NDC1: variants seen among roughly 807,000 people sequenced by gnomAD.
NDC1 encodes the protein nucleoporin NDC1.
In NDC1, 24 loss-of-function variants were observed where a neutral mutation model predicts 89.8. The observed-to-expected ratio is 0.27, with a 90% CI of 0.19 to 0.38. NDC1 has a LOEUF of 0.38. NDC1 is among the 10% of genes least tolerant of loss of function. The probability of loss-of-function intolerance (pLI) is 1.00; values close to 1 mark genes in which losing one functional copy is unlikely to be tolerated. For missense variants in NDC1, 728 were observed against 797.6 expected (o/e 0.91, Z 1.05); for synonymous variants, 296 against 284.8 (o/e 1.04, Z -0.39).
chr1:53,797,205 G>A (rs978174449), intron 11 of NDC1, 61 bp from the exon 12 acceptor site: 19 of 1,550,752 alleles, frequency 1.2e-5, no homozygotes, highest in African/African-American at 2.7e-5. Flanking sequence ...TAGCAGCAAC[G>A]CTTTCAAATT....
intron 3 of NDC1, among the ~76,000 whole-genome samples, chr1:53,828,642 G>A (rs567371433): frequency 8.7e-5 from 13 of 149,846 alleles, no homozygotes; most frequent in South Asian, 2.1e-4. Flanking sequence ...ACGGAGTTTC[G>A]CTCTTGTTGC....
At chr1:53,798,744 G>A (rs565077747) in intron 11 of NDC1, among the ~76,000 whole-genome samples, 3 of 151,692 alleles carry the variant, frequency 2.0e-5, no homozygotes, top group South Asian at 2.1e-4. Context: ...TAGTAAAGAC[G>A]GCGTTTCGCC....
intron 3 of NDC1, among the ~76,000 whole-genome samples, chr1:53,829,033 A>T (rs1648967829): frequency 6.6e-6 from 1 of 152,238 alleles, no homozygotes; most frequent in Non-Finnish European, 1.5e-5. Flanking sequence ...AAATGCTTAT[A>T]TAGGGATTTT....
In NDC1 at chr1:53,832,554, A is replaced by C. The variant is rs771109347; in HGVS notation, c.216T>G (p.Phe72Leu). The change falls in exon 3 of 18, where the codon TTT (phenylalanine) becomes TTG (leucine). Residue 72 changes from phenylalanine (F) to leucine (L), a missense_variant. Transcript: ENST00000371429. ...FSDLYSSYVIFYFLLLSVVII... is the reference protein window; with the variant it reads ...FSDLYSSYVILYFLLLSVVII... ...TTACCACTGACAGCAGCAGGAAGTA[A>C]AAGATTACATAGGAACTATACAGGT... The C allele has an allele frequency of 6.3e-6, 10 of 1,598,790 alleles. No homozygotes were observed. The highest frequency in any genetic ancestry group is 1.3e-5 in the African/African-American group (1 of 74,616).
At chr1:53,827,888 C>T in intron 4 of NDC1, 111 bp downstream of exon 4, 1 of 760,042 alleles carries the variant, frequency 1.3e-6, no homozygotes, top group East Asian at 2.9e-5. Flanking sequence ...GCAAAAAGCA[C>T]CTTTTGCAGA....
intron 7 of NDC1, among the ~76,000 whole-genome samples, chr1:53,808,990 G>A (rs1479444924): frequency 2.0e-5 from 3 of 152,026 alleles, no homozygotes; most frequent in Non-Finnish European, 4.4e-5. Context: ...ACTTTTATTC[G>A]GCAAATACAG....
At chr1:53,776,201 C>A (rs1647161444) in intron 16 of NDC1, among the ~76,000 whole-genome samples, 1 of 152,124 alleles carries the variant, frequency 6.6e-6, no homozygotes, top group South Asian at 2.1e-4. Flanking sequence ...AAGTGATCTG[C>A]CTTCCCCGGT....
At chr1:53,822,802 G>A (rs761079379) in intron 5 of NDC1, among the ~76,000 whole-genome samples, 2 of 152,096 alleles carry the variant, frequency 1.3e-5, no homozygotes, top group Non-Finnish European at 2.9e-5. Context: ...TGATGATAAT[G>A]ATAATGGTTG....
At chr1:53,832,369 T>C in intron 3 of NDC1, 121 bp downstream of exon 3, 1 of 581,128 alleles carries the variant, frequency 1.7e-6, no homozygotes, top group South Asian at 2.5e-5. Context: ...TTGAAGCATA[T>C]GATTCTGTAT....
intron 16 of NDC1, among the ~76,000 whole-genome samples, chr1:53,786,201 T>C (rs1451204389): frequency 3.3e-5 from 5 of 152,108 alleles, no homozygotes; most frequent in African/African-American, 1.2e-4. Flanking sequence ...GTTGGGATTA[T>C]AGGTACAAGC....
At chr1:53,795,609 C>T (rs1557574153) in intron 13 of NDC1, among the ~76,000 whole-genome samples, 1 of 152,150 alleles carries the variant, frequency 6.6e-6, no homozygotes. Context: ...GTATACACCA[C>T]AACCAAACCA....
chr1:53,794,072 C>T (rs969890271), intron 13 of NDC1, among the ~76,000 whole-genome samples: 3 of 151,868 alleles, frequency 2.0e-5, no homozygotes, highest in African/African-American at 7.3e-5. Flanking sequence ...GCTTTCTGGG[C>T]TCAGGTGATT....
chr1:53,798,090 A>T (rs1016402403), intron 11 of NDC1, among the ~76,000 whole-genome samples: 1 of 150,660 alleles, frequency 6.6e-6, no homozygotes, highest in Admixed American at 6.6e-5. Context: ...TTGTCACTCC[A>T]GCACAAGCCA....
At chr1:53,771,439 G>A (rs1282222986) in intron 17 of NDC1, among the ~76,000 whole-genome samples, 1 of 152,082 alleles carries the variant, frequency 6.6e-6, no homozygotes. Context: ...TCTTTGAAAA[G>A]AGTAAATGAA....
At position 53,813,712 on chromosome 1, in the gene NDC1, T is replaced by C. The variant is rs552725266; in HGVS notation, c.704-3966A>G. On this transcript the variant is annotated intron_variant, in intron 6 of 17. Transcript: ENST00000371429. ...TCAATAATCCACTGACGACACTAGA[T>C]AGGTTATGAGAACAGAAAGTCAACA... Among the ~76,000 whole-genome samples the C allele has an allele frequency of 2.0e-5, 3 of 151,782 alleles. No homozygotes were observed. In the South Asian group the frequency reaches 6.2e-4, roughly 32 times the overall value.
chr1:53,823,812 T>C (rs1004639388), intron 5 of NDC1, among the ~76,000 whole-genome samples: 2 of 152,188 alleles, frequency 1.3e-5, no homozygotes, highest in East Asian at 3.8e-4. Flanking sequence ...TTTTTTTTCA[T>C]ACACTCAGAT....
chr1:53,788,985 C>T (rs1436009830), intron 15 of NDC1, 148 bp downstream of exon 15: 1 of 558,680 alleles, frequency 1.8e-6, no homozygotes, highest in Non-Finnish European at 3.2e-6. Flanking sequence ...ATATATTTTT[C>T]AAAATGATCT....
At chr1:53,775,225 T>C (rs1324114531) in intron 16 of NDC1, among the ~76,000 whole-genome samples, 1 of 152,222 alleles carries the variant, frequency 6.6e-6, no homozygotes, top group Non-Finnish European at 1.5e-5. Context: ...ACAGCCATTT[T>C]CTTTGCACCT....
Position 53,838,230 on chromosome 1 carries a change from C to T in NDC1, c.32G>A (p.Gly11Asp). Residue 11 changes from glycine to aspartate, a missense_variant, in exon 1 of 18, where the codon GGC becomes GAC. Coordinates refer to ENST00000371429, the MANE Select transcript of NDC1 (RefSeq NM_018087.5). ...GCGCCACAGTATGTCCCGCGACCTGCCGGCGCAGGGCCGGCTCACGGCCGT... is the reference window on the plus strand; with the variant it reads ...GCGCCACAGTATGTCCCGCGACCTGTCGGCGCAGGGCCGGCTCACGGCCGT... Reference protein sequence around the residue: MATAVSRPCAGRSRDILWRVL... With the variant: MATAVSRPCADRSRDILWRVL... 3 of 1,536,614 alleles carry T rather than the reference C, an allele frequency of 2.0e-6. No individual in the cohort carries two copies. Among genetic ancestry groups the T allele is most frequent in the Non-Finnish European group, 2.6e-6 (3 of 1,145,986 alleles).
Sources: allele counts gnomAD v4.1 joint callset (sites outside exome capture counted in the v4.1 genomes callset), GRCh38; gene constraint gnomAD v4.1.1; transcripts MANE v1.5; gene names NCBI Gene and HGNC (gene_info 2026-07-23, HGNC 2026-07-21).